KCNG2: variants seen among roughly 807,000 people sequenced by gnomAD.
The protein encoded by KCNG2 is voltage-gated potassium channel regulatory subunit KCNG2.
Under a neutral mutation model 12.3 loss-of-function variants are expected in KCNG2, and 7 were observed. The ratio of observed to expected loss-of-function variants is 0.57; its 90% confidence interval spans 0.32 to 1.07. KCNG2 has a LOEUF of 1.07. KCNG2 is among the 50% of genes least tolerant of loss of function. The pLI is 0.04. For synonymous variants in KCNG2, 414 were observed against 351.4 expected (o/e 1.18, Z -1.99); for missense variants, 703 against 726.0 (o/e 0.97, Z 0.36).
chr18:79,885,795 A>C (rs1277373459), intron 3 of KCNG2, among the ~76,000 whole-genome samples: 1 of 151,658 alleles, frequency 6.6e-6, no homozygotes. Context: ...GGACAGGGAG[A>C]TGGGGATGGG....
intron 1 of KCNG2, among the ~76,000 whole-genome samples, chr18:79,838,754 A>C (rs993438600): frequency 1.3e-5 from 2 of 152,210 alleles, no homozygotes; most frequent in Non-Finnish European, 2.9e-5. Context: ...CATTGAACAG[A>C]ATGAAAATAT....
At chr18:79,829,492 G>A (rs973789306) in intron 1 of KCNG2, among the ~76,000 whole-genome samples, 1 of 152,148 alleles carries the variant, frequency 6.6e-6, no homozygotes, top group East Asian at 1.9e-4. Flanking sequence ...CCTATGGCTT[G>A]TGGGTCTTTG....
In KCNG2 at chr18:79,874,787, G is replaced by A. The variant is rs538398750; in HGVS notation, c.624+10496G>A. ...GGTGCGGTGGTGGGAGAGCTTCCAGGGGCACCGGGTCCCTTTCCAGGGCTC... is the reference window on the plus strand; with the variant it reads ...GGTGCGGTGGTGGGAGAGCTTCCAGAGGCACCGGGTCCCTTTCCAGGGCTC... On this transcript the variant is annotated intron_variant, in intron 3 of 3. Coordinates refer to ENST00000316249, the MANE Select transcript of KCNG2 (RefSeq NM_012283.2). Among the ~76,000 whole-genome samples, 7 of 152,282 alleles carry A rather than the reference G, an allele frequency of 4.6e-5. No homozygotes were observed. In the South Asian group the frequency reaches 1.2e-3, roughly 27 times the overall value.
chr18:79,875,351 C>T (rs4534922), intron 3 of KCNG2, among the ~76,000 whole-genome samples: 48,808 of 151,840 alleles, frequency 0.32, 9,883 homozygotes, highest in Non-Finnish European at 0.45. Flanking sequence ...CGGCCCTGGG[C>T]GCTCCCCTTG....
intron 3 of KCNG2, among the ~76,000 whole-genome samples, chr18:79,877,928 T>C (rs1406752442): frequency 6.6e-6 from 1 of 152,204 alleles, no homozygotes; most frequent in Non-Finnish European, 1.5e-5. Context: ...TCCACTGCCC[T>C]TGCCCACCGG....
intron 3 of KCNG2, among the ~76,000 whole-genome samples, chr18:79,873,135 G>A (rs1035231203): frequency 1.3e-5 from 2 of 152,164 alleles, no homozygotes; most frequent in South Asian, 2.1e-4. Context: ...GACAGCACTC[G>A]GGCAGGAAAA....
chr18:79,870,069 C>T (rs535780606), intron 3 of KCNG2, among the ~76,000 whole-genome samples: 34 of 152,202 alleles, frequency 2.2e-4, no homozygotes, highest in Non-Finnish European at 4.0e-4. Flanking sequence ...CGCTCGTGCT[C>T]CCCATTGCCC....
At position 79,884,255 on chromosome 18, in the gene KCNG2, GC is replaced by G. The variant is rs961596923; in HGVS notation, c.625-14781del. 2.0e-5 allele frequency among the ~76,000 whole-genome samples: 2 copies of G among 98,254 alleles called. No homozygotes were observed. The highest frequency in any genetic ancestry group is 7.9e-5 in the African/African-American group (2 of 25,242). 64.5% of individuals were successfully genotyped at this position (98,254 alleles called of 152,430 possible). ...TGTCCCTGTTCTCAGCCCTCCTCCC[GC>G]CCCTCCCTGTGGGCCCCACACCTGC... On this transcript the variant is annotated intron_variant, in intron 3 of 3. Transcript: ENST00000316249. The surrounding 1 kb of genome is among the most constrained non-coding windows in gnomAD (Gnocchi z 5.5).
intron 1 of KCNG2, among the ~76,000 whole-genome samples, chr18:79,833,035 T>G (rs201113504): frequency 1.3e-5 from 1 of 75,800 alleles, no homozygotes; most frequent in African/African-American, 3.3e-5. Flanking sequence ...ATTTTATAAC[T>G]TTTTTTGAAA....
At chr18:79,853,010 G>T (rs941274135) in intron 1 of KCNG2, among the ~76,000 whole-genome samples, 1 of 152,240 alleles carries the variant, frequency 6.6e-6, no homozygotes, top group Admixed American at 6.5e-5. Context: ...ACGGCACCGC[G>T]TGGATGCCCC....
intron 2 of KCNG2, among the ~76,000 whole-genome samples, chr18:79,860,296 T>C (rs534777053): frequency 6.6e-6 from 1 of 152,344 alleles, no homozygotes; most frequent in Admixed American, 6.5e-5. Context: ...ATGTTCAACT[T>C]GTCAATGTCT....
At chr18:79,820,896 C>T (rs1189014875) in intron 1 of KCNG2, among the ~76,000 whole-genome samples, 2 of 152,200 alleles carry the variant, frequency 1.3e-5, no homozygotes, top group Admixed American at 6.5e-5. Flanking sequence ...GATCCTCCCA[C>T]CTCAGCCTCC....
At chr18:79,871,388 A>T (rs1979826067) in intron 3 of KCNG2, among the ~76,000 whole-genome samples, 1 of 152,188 alleles carries the variant, frequency 6.6e-6, no homozygotes, top group Admixed American at 6.5e-5. Context: ...CCGCAGGCAG[A>T]GTTGTCCTGG....
At chr18:79,829,861 A>G (rs1377021359) in intron 1 of KCNG2, among the ~76,000 whole-genome samples, 1 of 152,210 alleles carries the variant, frequency 6.6e-6, no homozygotes, top group Non-Finnish European at 1.5e-5. Context: ...TGATACTCCC[A>G]TCTGTCTAAC....
intron 2 of KCNG2, among the ~76,000 whole-genome samples, chr18:79,863,272 C>T (rs993187238): frequency 1.3e-5 from 2 of 152,354 alleles, no homozygotes; most frequent in Admixed American, 1.3e-4. Flanking sequence ...ATCACGGCGT[C>T]CTCACCGGTC....
intron 1 of KCNG2, among the ~76,000 whole-genome samples, chr18:79,850,462 A>G (rs1978779477): frequency 6.6e-6 from 1 of 152,206 alleles, no homozygotes; most frequent in Non-Finnish European, 1.5e-5. Flanking sequence ...TGTTTTATTC[A>G]GAGTTCCTAT....
At chr18:79,827,628 G>A (rs1978287103) in intron 1 of KCNG2, among the ~76,000 whole-genome samples, 1 of 152,166 alleles carries the variant, frequency 6.6e-6, no homozygotes, top group Non-Finnish European at 1.5e-5. Context: ...AGCGGGAAGC[G>A]CGGGGAGAAG....
At chr18:79,849,893 G>T (rs945037373) in intron 1 of KCNG2, among the ~76,000 whole-genome samples, 6 of 149,794 alleles carry the variant, frequency 4.0e-5, no homozygotes, top group Non-Finnish European at 8.8e-5. Flanking sequence ...GAGTGGGAGG[G>T]AGGCGAGACC....
intron 1 of KCNG2, among the ~76,000 whole-genome samples, chr18:79,825,345 G>C (rs1410060724): frequency 6.6e-6 from 1 of 152,184 alleles, no homozygotes; most frequent in African/African-American, 2.4e-5. Context: ...TTGAAGAATG[G>C]GAAAATATCC....
Sources: allele counts gnomAD v4.1 joint callset (sites outside exome capture counted in the v4.1 genomes callset), GRCh38; gene constraint gnomAD v4.1.1; non-coding constraint Gnocchi (gnomAD v3.1); transcripts MANE v1.5; gene names NCBI Gene and HGNC (gene_info 2026-07-23, HGNC 2026-07-21).